TTC6: variants seen among roughly 807,000 people sequenced by gnomAD.
TTC6 encodes tetratricopeptide repeat protein 6.
TTC6 carries 172 observed loss-of-function variants against 210.4 expected under a neutral mutation model. The observed-to-expected ratio is 0.82, with a 90% CI of 0.72 to 0.93. The LOEUF is 0.93. Among genes scored for constraint, TTC6 ranks in the 40% least tolerant of loss-of-function variants. TTC6 has a pLI of 0.00. For synonymous variants in TTC6, 804 were observed against 819.6 expected (o/e 0.98, Z 0.32); for missense variants, 2,414 against 2,318.1 (o/e 1.04, Z -0.85).
At chr14:37,827,277 T>A in exon 29 of TTC6, 2 of 1,613,326 alleles carry the variant, frequency 1.2e-6, no homozygotes, top group Non-Finnish European at 1.7e-6. Flanking sequence ...AATGAAAGAC[T>A]ACCAAGATGC....
chr14:37,624,044 A>G (rs1288763848), intron 1 of TTC6, among the ~76,000 whole-genome samples: 1 of 152,218 alleles, frequency 6.6e-6, no homozygotes, highest in East Asian at 1.9e-4. Flanking sequence ...TACACAGAAT[A>G]CTGCTACTGC....
At chr14:37,674,387 A>T (rs894574520) in intron 1 of TTC6, among the ~76,000 whole-genome samples, 41 of 152,132 alleles carry the variant, frequency 2.7e-4, no homozygotes, top group African/African-American at 9.7e-4. Context: ...TTTCCAGAAT[A>T]ATGTCAAATT....
chr14:37,600,071 G>A (rs2139209363), intron 1 of TTC6, among the ~76,000 whole-genome samples: 1 of 152,302 alleles, frequency 6.6e-6, no homozygotes, highest in South Asian at 2.1e-4. Context: ...CTAGGGCTAG[G>A]GGCCTAGGGG....
intron 1 of TTC6, among the ~76,000 whole-genome samples, chr14:37,630,974 T>C (rs1164903228): frequency 1.5e-5 from 2 of 136,222 alleles, no homozygotes; most frequent in Non-Finnish European, 3.1e-5. Flanking sequence ...TATATATTCC[T>C]CCATCCCTTT....
chr14:37,657,176 T>A (rs1451179415), intron 1 of TTC6, among the ~76,000 whole-genome samples: 1 of 128,804 alleles, frequency 7.8e-6, no homozygotes, highest in Middle Eastern at 5.8e-3. Flanking sequence ...TGCGCAGTTG[T>A]ACTCCAGCCT....
rs113455965 is a variant in TTC6, at chr14:37,598,673, C to A, written c.-235+2665C>A. ...AGAGGCCGCGGCCTCGGGCCTCGGGCCCCGGGCCCAGACGGCGGCCTCTCG... is the reference window on the plus strand; with the variant it reads ...AGAGGCCGCGGCCTCGGGCCTCGGGACCCGGGCCCAGACGGCGGCCTCTCG... On this transcript the variant is annotated intron_variant, in intron 1 of 2. Transcript: ENST00000556845. This position sits in a 1 kb window ranked among gnomAD's most constrained non-coding sequence, Gnocchi z 4.9. Among the ~76,000 whole-genome samples, 3 of 152,242 alleles carry A rather than the reference C, an allele frequency of 2.0e-5. 1 individual carries two copies. Among genetic ancestry groups the A allele is most frequent in the African/African-American group, 4.8e-5 (2 of 41,576 alleles).
chr14:37,814,757 T>A (rs532718204), intron 25 of TTC6, among the ~76,000 whole-genome samples: 2 of 151,934 alleles, frequency 1.3e-5, no homozygotes, highest in African/African-American at 2.4e-5. Context: ...AGTTAAAAAA[T>A]TAAAACAACT....
At chr14:37,725,196 T>C (rs186084404) in intron 7 of TTC6, among the ~76,000 whole-genome samples, 194 bp downstream of exon 9, 19 of 149,176 alleles carry the variant, frequency 1.3e-4, no homozygotes, top group Non-Finnish European at 2.2e-4. Context: ...TATACAAATA[T>C]ATACCTACAT....
exon 30 of TTC6, chr14:37,841,592 G>A (rs1236303632): frequency 1.2e-6 from 2 of 1,606,212 alleles, no homozygotes; most frequent in Admixed American, 3.4e-5. Flanking sequence ...TCCCTTTTGG[G>A]CTGCAGTATA....
chr14:37,708,092 A>G (rs570978321), intron 5 of TTC6, among the ~76,000 whole-genome samples: 2 of 152,168 alleles, frequency 1.3e-5, no homozygotes, highest in South Asian at 2.1e-4. Flanking sequence ...GTGCATACAC[A>G]TATATTATGT....
intron 29 of TTC6, among the ~76,000 whole-genome samples, chr14:37,834,367 G>T (rs1253553059): frequency 2.2e-4 from 34 of 151,894 alleles, no homozygotes; most frequent in Admixed American, 2.2e-3. Context: ...TTCTTCATTT[G>T]TTTTTATTCT....
chr14:37,804,356 A>G (rs574172757), intron 20 of TTC6, among the ~76,000 whole-genome samples: 2 of 152,332 alleles, frequency 1.3e-5, no homozygotes, highest in East Asian at 3.9e-4. Flanking sequence ...CTTGTTCATA[A>G]ATTTAAGCCT....
chr14:37,770,705 G>GT (rs2096015348), intron 14 of TTC6, among the ~76,000 whole-genome samples: 1 of 148,938 alleles, frequency 6.7e-6, no homozygotes, highest in African/African-American at 2.5e-5. Flanking sequence ...GTCTCTGCAC[G>GT]TGAGATGGGT....
intron 1 of TTC6, among the ~76,000 whole-genome samples, chr14:37,600,327 C>A (rs2095613210): frequency 6.6e-6 from 1 of 152,156 alleles, no homozygotes; most frequent in African/African-American, 2.4e-5. Context: ...CAGCAGAAGC[C>A]CGCGTTAATG....
Position 37,749,759 on chromosome 14 carries a change from CATTTA to C in TTC6, c.2878_2882del (p.Ile960SerfsTer7). ...GTTTCTCAATGCCTATTGGCATCGA[CATTTA>C]ATTTATCTTTTCCAAGACAAAATTA... is the stretch of plus-strand genomic sequence containing the variant. On this transcript the variant is annotated frameshift_variant, in exon 12 of 31. Transcript: ENST00000553443. LOFTEE classifies it high-confidence loss of function. The C allele has an allele frequency of 6.8e-7, 1 of 1,460,162 alleles. No individual in the cohort carries two copies. Among genetic ancestry groups the C allele is most frequent in the South Asian group, 1.4e-5 (1 of 69,462 alleles). The allele number at this position is 1,460,162 out of a possible 1,614,324, so 90.5% of individuals were successfully genotyped here. A position where few individuals can be genotyped will look rare whatever the true frequency, so the allele number is the denominator to read the frequency against.
At chr14:37,724,904 G>A (rs1224439427) in exon 7 of TTC6, 1 of 1,518,352 alleles carries the variant, frequency 6.6e-7, no homozygotes. Flanking sequence ...AAAGATGTAT[G>A]CTTATCCAGA....
chr14:37,597,647 C>G (rs554826732), intron 1 of TTC6, among the ~76,000 whole-genome samples: 1 of 152,262 alleles, frequency 6.6e-6, no homozygotes, highest in South Asian at 2.1e-4. Flanking sequence ...ACCGGTGATG[C>G]AGAATGGACT....
At chr14:37,646,461 G>A (rs1356560185) in intron 1 of TTC6, among the ~76,000 whole-genome samples, 2 of 152,088 alleles carry the variant, frequency 1.3e-5, no homozygotes, top group Non-Finnish European at 2.9e-5. Flanking sequence ...GAGACTATAG[G>A]ATGGATAGGA....
At chr14:37,790,815 G>A (rs967225603) in exon 16 of TTC6, 2 of 1,533,828 alleles carry the variant, frequency 1.3e-6, no homozygotes, top group African/African-American at 2.7e-5. Flanking sequence ...TTGTGACTTT[G>A]AAACTGTCAT....
Sources: gnomAD v4.1 joint callset for allele counts (sites outside exome capture counted in the v4.1 genomes callset) on GRCh38, gnomAD v4.1.1 for gene constraint, Gnocchi (gnomAD v3.1) non-coding constraint, MANE v1.5 for transcripts, NCBI Gene and HGNC (gene_info 2026-07-23, HGNC 2026-07-21) for gene names.